Variants in HERC6 observed in about 807,000 individuals in gnomAD.
HERC6 encodes the protein probable E3 ubiquitin-protein ligase HERC6.
In HERC6, 101 loss-of-function variants were observed where a neutral mutation model predicts 114.5. The observed-to-expected ratio is 0.88, with a 90% CI of 0.75 to 1.04. HERC6 has a LOEUF of 1.04. Among genes scored for constraint, HERC6 ranks in the 50% least tolerant of loss-of-function variants. The pLI, the probability that HERC6 is intolerant of heterozygous loss-of-function variation, is 0.00. For missense variants in HERC6, 1,133 were observed against 1,230.9 expected (o/e 0.92, Z 1.19); for synonymous variants, 408 against 436.2 (o/e 0.94, Z 0.81).
chr4:88,428,458 T>A (rs773050017), intron 15 of HERC6, 122 bp from the exon 16 acceptor site: 22 of 643,884 alleles, frequency 3.4e-5, no homozygotes, highest in Non-Finnish European at 4.7e-5. Flanking sequence ...ACAATGTGAA[T>A]GTTTATAGCA....
chr4:88,398,122 G>A lies in HERC6; in HGVS notation c.1025-20G>A. ...TTTACTTCTAGAAACTCTAAGCATGGATTTATGACTTTCTTTTAGACTTCG... is the reference window on the plus strand; with the variant it reads ...TTTACTTCTAGAAACTCTAAGCATGAATTTATGACTTTCTTTTAGACTTCG... On this transcript the variant is annotated intron_variant, in intron 7 of 22. Coordinates refer to ENST00000264346, the MANE Select transcript of HERC6 (RefSeq NM_017912.4). 3 of 1,524,786 alleles carry A rather than the reference G, an allele frequency of 2.0e-6. No individual in the cohort carries two copies. The highest frequency in any genetic ancestry group is 2.7e-6 in the Non-Finnish European group (3 of 1,130,262). 94.5% of individuals were successfully genotyped at this position (1,524,786 alleles called of 1,614,324 possible). A position where few individuals can be genotyped will look rare whatever the true frequency, so the allele number is the denominator to read the frequency against.
In HERC6 at chr4:88,404,922, G is replaced by A; in HGVS notation, c.1139G>A (p.Ser380Asn). 1 of 1,613,828 alleles carries A rather than the reference G, an allele frequency of 6.2e-7. No individual in the cohort carries two copies. ...RAPGKTLPEI[S>N]RISQSMAEKW... Reference sequence around the variant, plus strand: ...CCCGGGAAAACCCTGCCAGAAATAAGCCGAATTAGCCAGTCCATGGCAGAA... The same window carrying A: ...CCCGGGAAAACCCTGCCAGAAATAAACCGAATTAGCCAGTCCATGGCAGAA... Residue 380 changes from serine to asparagine, a missense_variant, in exon 9 of 23, where the codon AGC (serine) becomes AAC (asparagine). Ser to Asn is a conservative substitution (Grantham distance 46). This residue lies in a region of HERC6 where 735 missense variants were observed against 754.0 expected (regional missense o/e 0.97). Transcript: ENST00000264346.
Position 88,428,737 on chromosome 4 carries a change from G to C in HERC6, c.2093G>C (p.Cys698Ser), listed in dbSNP as rs371920371. 4.5e-6 allele frequency: 7 copies of C among 1,572,158 alleles called. No individual in the cohort carries two copies. In the African/African-American group the frequency reaches 8.2e-5, roughly 18 times the overall value. ...AGTCAAGCTGAAGCTACTGACTTCT[G>C]CAAAGTATTAGTGGTACAGTAAAAA... ...QLSQAEATDF[C>S]KVLVVEFINE... is the part of the protein sequence containing the mutation. The change falls in exon 16 of 23, where the codon TGC becomes TCC. Residue 698 changes from cysteine to serine, a missense_variant. Physicochemically the swap from Cys to Ser is moderately radical, Grantham distance 112 (BLOSUM62 -1). Coordinates refer to ENST00000264346, the MANE Select transcript of HERC6 (RefSeq NM_017912.4).
intron 8 of HERC6, among the ~76,000 whole-genome samples, chr4:88,403,108 G>C (rs143219251): frequency 7.2e-5 from 11 of 152,334 alleles, no homozygotes; most frequent in African/African-American, 2.6e-4. Flanking sequence ...TTTCCAGACA[G>C]TGATTTTTGA....
intron 12 of HERC6, among the ~76,000 whole-genome samples, chr4:88,414,644 C>T (rs1736326209): frequency 6.6e-6 from 1 of 152,144 alleles, no homozygotes; most frequent in Non-Finnish European, 1.5e-5. Context: ...CATACCTCCC[C>T]TTTTTAGATC....
chr4:88,391,550 C>T (rs1429780797), intron 4 of HERC6, among the ~76,000 whole-genome samples: 1 of 152,156 alleles, frequency 6.6e-6, no homozygotes, highest in Non-Finnish European at 1.5e-5. Context: ...TTAAAAATCC[C>T]GATGCCCAGG....
intron 3 of HERC6, among the ~76,000 whole-genome samples, chr4:88,389,394 T>C (rs1322610370): frequency 6.6e-6 from 1 of 152,120 alleles, no homozygotes; most frequent in Non-Finnish European, 1.5e-5. Context: ...GGGGCAAAGG[T>C]TGCCTCAGGG....
chr4:88,440,266 CT>C lies in HERC6; in HGVS notation c.2842+17del. ...AAATTCCTCTGTAAGTACTGTGGTA[CT>C]AGATGGACACATAATTATGTATCTT... On this transcript the variant is annotated intron_variant, in intron 22 of 22. Coordinates refer to ENST00000264346, the MANE Select transcript of HERC6 (RefSeq NM_017912.4). The C allele has an allele frequency of 7.8e-7, 1 of 1,275,694 alleles. No homozygotes were observed. Among genetic ancestry groups the C allele is most frequent in the Non-Finnish European group, 1.1e-6 (1 of 889,376 alleles). The allele number at this position is 1,275,694 out of a possible 1,614,324, so 79.0% of individuals were successfully genotyped here.
intron 22 of HERC6, among the ~76,000 whole-genome samples, chr4:88,441,353 A>G (rs1739334662): frequency 6.6e-6 from 1 of 152,140 alleles, no homozygotes; most frequent in Non-Finnish European, 1.5e-5. Flanking sequence ...CCTTTTTCCT[A>G]ACAGCAACCC....
At chr4:88,382,570 A>G (rs1012309144) in intron 1 of HERC6, among the ~76,000 whole-genome samples, 5 of 152,140 alleles carry the variant, frequency 3.3e-5, no homozygotes, top group African/African-American at 1.2e-4. Context: ...AGTCCCTAGA[A>G]GTTACCCCCT....
intron 8 of HERC6, among the ~76,000 whole-genome samples, chr4:88,401,036 T>G (rs1384872048): frequency 3.3e-5 from 5 of 152,026 alleles, no homozygotes; most frequent in Non-Finnish European, 7.4e-5. Flanking sequence ...TATTTTTGCT[T>G]TGGTAAGATT....
rs1248000146 is a variant in HERC6, at chr4:88,439,408, AGG to A, written c.2556-464_2556-463del. Among the ~76,000 whole-genome samples the A allele has an allele frequency of 6.7e-3, 1,010 of 151,608 alleles. 9 individuals are homozygous for A. Among genetic ancestry groups the A allele is most frequent in the African/African-American group, 0.023 (936 of 41,238 alleles). On this transcript the variant is annotated intron_variant, in intron 20 of 22. Coordinates refer to ENST00000264346, the MANE Select transcript of HERC6 (RefSeq NM_017912.4). ...AAGAAAGAAAGAAAAGGGAAGGGAA[AGG>A]GAAAGGGAAGGGAAGGGAAAGGAAA...
intron 3 of HERC6, among the ~76,000 whole-genome samples, chr4:88,387,173 G>A (rs1233777024): frequency 6.6e-6 from 1 of 152,220 alleles, no homozygotes; most frequent in Non-Finnish European, 1.5e-5. Context: ...GAAGCAGGAG[G>A]ATCACTTGAG....
intron 1 of HERC6, among the ~76,000 whole-genome samples, chr4:88,380,325 T>C (rs1233110427): frequency 1.0e-4 from 1 of 9,738 alleles, no homozygotes; most frequent in Non-Finnish European, 1.8e-4. Context: ...TAAATATATA[T>C]ATAATATATA....
intron 13 of HERC6, among the ~76,000 whole-genome samples, chr4:88,421,471 G>A (rs544109200): frequency 3.5e-5 from 5 of 144,410 alleles, no homozygotes; most frequent in East Asian, 2.1e-4. Context: ...TTTTTGAGAC[G>A]GATTCTTGCT....
intron 16 of HERC6, among the ~76,000 whole-genome samples, chr4:88,430,609 T>A (rs959533778): frequency 4.6e-5 from 7 of 151,114 alleles, no homozygotes; most frequent in East Asian, 1.9e-4. Context: ...AATAAATAAA[T>A]AAAAAGAGGG....
At chr4:88,426,045 T>C (rs1203202039) in intron 15 of HERC6, among the ~76,000 whole-genome samples, 1 of 152,202 alleles carries the variant, frequency 6.6e-6, no homozygotes, top group East Asian at 1.9e-4. Context: ...TTACATGACA[T>C]TTTCCAATGT....
chr4:88,388,549 CAAA>C (rs76168315), intron 3 of HERC6, among the ~76,000 whole-genome samples: 18,930 of 92,024 alleles, frequency 0.21, 1,079 homozygotes, highest in Non-Finnish European at 0.24. Flanking sequence ...AGACTCGTCT[CAAA>C]AAAAAAAAAA....
At chr4:88,379,199 C>T in intron 1 of HERC6, 79 bp downstream of exon 1, 2 of 1,208,590 alleles carry the variant, frequency 1.7e-6, no homozygotes, top group Non-Finnish European at 2.2e-6. Context: ...GCGCAGGGAA[C>T]CGGGTGCGGA....
Sources: gnomAD v4.1 joint callset for allele counts (sites outside exome capture counted in the v4.1 genomes callset) on GRCh38, gnomAD v4.1.1 for gene constraint, gnomAD v4.1.1 regional missense constraint, MANE v1.5 for transcripts, NCBI Gene and HGNC (gene_info 2026-07-23, HGNC 2026-07-21) for gene names.